Variants in SHROOM3 observed in about 807,000 individuals in gnomAD.
The protein encoded by SHROOM3 is protein Shroom3.
SHROOM3 carries 47 observed loss-of-function variants against 138.6 expected under a neutral mutation model. The ratio of observed to expected loss-of-function variants is 0.34; its 90% CI spans 0.27 to 0.43. The LOEUF (loss-of-function observed/expected upper bound fraction) is 0.43, where lower values mean the gene tolerates loss of function less well. SHROOM3 is among the 20% of genes least tolerant of loss of function. The pLI is 1.00. For missense variants in SHROOM3, 2,491 were observed against 2,596.5 expected, an observed-to-expected ratio of 0.96 and a Z score of 0.88; for synonymous variants, 1,062 against 1,063.3, an observed-to-expected ratio of 1.00 and a Z score of 0.02.
At chr4:76,722,855 A>G (rs1269591386) in intron 3 of SHROOM3, among the ~76,000 whole-genome samples, 1 of 152,036 alleles carries the variant, frequency 6.6e-6, no homozygotes, top group Non-Finnish European at 1.5e-5. Context: ...TTTGTCTCAT[A>G]GTATTGCGCA....
chr4:76,587,497 A>T (rs988590321), intron 2 of SHROOM3, among the ~76,000 whole-genome samples: 1 of 152,186 alleles, frequency 6.6e-6, no homozygotes, highest in Non-Finnish European at 1.5e-5. Context: ...GATTCTGTTC[A>T]AGTGATAAAC....
intron 9 of SHROOM3, among the ~76,000 whole-genome samples, chr4:76,763,537 C>T (rs1722053774): frequency 7.9e-5 from 12 of 152,030 alleles, no homozygotes; most frequent in Admixed American, 7.9e-4. Context: ...TCCAATCCAG[C>T]CTGAGTGACA....
At chr4:76,716,317 A>G (rs1720371732) in intron 3 of SHROOM3, 1 of 519,048 alleles carries the variant, frequency 1.9e-6, no homozygotes, top group South Asian at 1.4e-5. Context: ...CAGAAAGAGC[A>G]GTAGCAGGGC....
chr4:76,565,160 C>CAAAAAAAA (rs1166896258), intron 2 of SHROOM3, among the ~76,000 whole-genome samples: 23 of 135,934 alleles, frequency 1.7e-4, no homozygotes, highest in African/African-American at 6.4e-4. Flanking sequence ...GACTCCATTT[C>CAAAAAAAA]AAAAAAAAAA....
In SHROOM3 at chr4:76,740,723, C is replaced by T. The variant is rs377561640; in HGVS notation, c.2550C>T (p.Asn850=). Reference sequence around the variant, plus strand: ...GCAACGGGGAGCAGCACTTCAAAAACGGGGAGCTGAAGTTGGAAGAGGCTT... The same window carrying T: ...GCAACGGGGAGCAGCACTTCAAAAATGGGGAGCTGAAGTTGGAAGAGGCTT... ...PLGNGEQHFK[N]GELKLEEASR... Residue 850 remains asparagine, a synonymous_variant, in exon 5 of 11, where the codon AAC becomes AAT. Coordinates refer to ENST00000296043, the MANE Select transcript of SHROOM3 (RefSeq NM_020859.4). This position sits in a 1 kb window ranked among gnomAD's most constrained non-coding sequence, Gnocchi z 4.0. 11 of 1,613,446 alleles carry T rather than the reference C, an allele frequency of 6.8e-6. No homozygotes were observed. Among genetic ancestry groups the T allele is most frequent in the African/African-American group, 4.0e-5 (3 of 74,952 alleles).
chr4:76,737,006 G>A (rs1174752084), intron 4 of SHROOM3, among the ~76,000 whole-genome samples: 1 of 152,168 alleles, frequency 6.6e-6, no homozygotes, highest in African/African-American at 2.4e-5. Flanking sequence ...AATGTATAAT[G>A]ACATGTATCC....
intron 2 of SHROOM3, among the ~76,000 whole-genome samples, chr4:76,706,462 T>G (rs1720059256): frequency 6.6e-6 from 1 of 152,176 alleles, no homozygotes; most frequent in South Asian, 2.1e-4. Flanking sequence ...GAAAATACGT[T>G]TACTATTCAT....
At chr4:76,686,751 A>G (rs547222954) in intron 2 of SHROOM3, among the ~76,000 whole-genome samples, 1 of 152,240 alleles carries the variant, frequency 6.6e-6, no homozygotes, top group South Asian at 2.1e-4. Context: ...CTTACAGGTT[A>G]TTATATTTAT....
chr4:76,590,555 AACTGCTCC>A (rs1383399726), intron 2 of SHROOM3, among the ~76,000 whole-genome samples: 1 of 151,670 alleles, frequency 6.6e-6, no homozygotes, highest in African/African-American at 2.4e-5. Flanking sequence ...AAAACCAAAA[AACTGCTCC>A]ACTGCTCAAG....
intron 3 of SHROOM3, among the ~76,000 whole-genome samples, chr4:76,720,122 A>T (rs1160039857): frequency 3.5e-5 from 5 of 143,872 alleles, no homozygotes; most frequent in African/African-American, 1.0e-4. Context: ...TGAGGGAATT[A>T]TGAAAAGCCT....
chr4:76,541,862 C>A (rs1034323674), intron 1 of SHROOM3, among the ~76,000 whole-genome samples: 1 of 152,126 alleles, frequency 6.6e-6, no homozygotes, highest in Non-Finnish European at 1.5e-5. Flanking sequence ...GTCTGTCAAT[C>A]CTGTTTGCTG....
chr4:76,456,620 A>C (rs536742068), intron 1 of SHROOM3, among the ~76,000 whole-genome samples: 1 of 152,340 alleles, frequency 6.6e-6, no homozygotes, highest in Admixed American at 6.5e-5. Flanking sequence ...AAACTTCGAA[A>C]AATCTATCAA....
At chr4:76,762,278 A>G (rs986776288) in intron 9 of SHROOM3, among the ~76,000 whole-genome samples, 4 of 152,234 alleles carry the variant, frequency 2.6e-5, no homozygotes, top group African/African-American at 9.6e-5. Context: ...ATATCTTAAC[A>G]GAGAAGTGTT....
At chr4:76,525,121 G>C (rs941926966) in intron 1 of SHROOM3, among the ~76,000 whole-genome samples, 1 of 152,162 alleles carries the variant, frequency 6.6e-6, no homozygotes, top group Admixed American at 6.5e-5. Flanking sequence ...TTCTTATGCT[G>C]CTCTAAAGAA....
chr4:76,622,012 G>A lies in SHROOM3; in HGVS notation c.323+66249G>A, dbSNP rs142559513. 6.8e-3 allele frequency among the ~76,000 whole-genome samples: 1,032 copies of A among 152,004 alleles called. 5 individuals carry two copies. Among genetic ancestry groups the A allele is most frequent in the African/African-American group, 0.023 (974 of 41,452 alleles). ...CGCCTGGCTAATTTTTATATTTTTA[G>A]TAGAGTCGGGGTTTCACCATGCTGG... On this transcript the variant is annotated intron_variant, in intron 2 of 10. Coordinates refer to ENST00000296043, the MANE Select transcript of SHROOM3 (RefSeq NM_020859.4).
Position 76,739,357 on chromosome 4 carries a change from T to A in SHROOM3, c.1184T>A (p.Phe395Tyr). 1 of 1,614,118 alleles carries A rather than the reference T, an allele frequency of 6.2e-7. No homozygotes were observed. Among genetic ancestry groups the A allele is most frequent in the Admixed American group, 1.7e-5 (1 of 60,028 alleles). Reference sequence around the variant, plus strand: ...GCTCGGAGTGACAGTTACGCAGCATTTCGGCACCGTGAGCGGCCCAGCTCC... The same window carrying A: ...GCTCGGAGTGACAGTTACGCAGCATATCGGCACCGTGAGCGGCCCAGCTCC... The part of the protein sequence containing the change: ...PPARSDSYAA[F>Y]RHRERPSSWS... Residue 395 changes from phenylalanine (F) to tyrosine (Y), a missense_variant, in exon 5 of 11, where the codon TTT becomes TAT. By Grantham distance (22) the Phe-to-Tyr change is conservative. Around this residue, in one of 4 missense-constraint regions of SHROOM3, gnomAD observed 1,733 missense variants for 1,661.6 expected, o/e 1.04. Transcript: ENST00000296043.
intron 2 of SHROOM3, among the ~76,000 whole-genome samples, chr4:76,647,947 T>C (rs1258758513): frequency 1.3e-5 from 2 of 152,154 alleles, no homozygotes; most frequent in Non-Finnish European, 2.9e-5. Flanking sequence ...GATATTTTAT[T>C]TTATGTATCG....
intron 2 of SHROOM3, among the ~76,000 whole-genome samples, chr4:76,661,904 AAATGCTACCTCAT>A (rs1258514327): frequency 2.0e-5 from 3 of 152,164 alleles, no homozygotes; most frequent in Admixed American, 6.5e-5. Flanking sequence ...CCTAAGAGTA[AAATGCTACCTCAT>A]AAGGTGGATG....
chr4:76,482,021 A>G (rs1731624050), intron 1 of SHROOM3, among the ~76,000 whole-genome samples: 1 of 152,208 alleles, frequency 6.6e-6, no homozygotes, highest in South Asian at 2.1e-4. Context: ...ATTAAAAGAT[A>G]TTTATGACAG....
Sources: allele counts gnomAD v4.1 joint callset (sites outside exome capture counted in the v4.1 genomes callset), GRCh38; gene constraint gnomAD v4.1.1; regional missense constraint gnomAD v4.1.1; non-coding constraint Gnocchi (gnomAD v3.1); transcripts MANE v1.5; gene names NCBI Gene and HGNC (gene_info 2026-07-23, HGNC 2026-07-21).